The following MATN2 variants were observed in gnomAD, a reference collection of about 807,000 sequenced individuals.
MATN2 encodes matrilin 2.
In MATN2, 69 loss-of-function variants were observed where a neutral mutation model predicts 103.2. The observed-to-expected ratio is 0.67, with a 90% CI of 0.55 to 0.82. MATN2 has a LOEUF of 0.82. Among genes scored for constraint, MATN2 ranks in the 40% least tolerant of loss-of-function variants. The probability of loss-of-function intolerance (pLI) is 0.00; values close to 1 mark genes in which losing one functional copy is unlikely to be tolerated. For synonymous variants in MATN2, 429 were observed against 450.2 expected (o/e 0.95, Z 0.60); for missense variants, 1,023 against 1,211.5 (o/e 0.84, Z 2.31).
intron 2 of MATN2, among the ~76,000 whole-genome samples, chr8:97,901,231 A>T (rs1198523898): frequency 6.6e-6 from 1 of 152,124 alleles, no homozygotes; most frequent in Non-Finnish European, 1.5e-5. Context: ...TAACTATGCC[A>T]AAATGGTTTC....
At chr8:97,988,219 C>CATATAT (rs60086528) in intron 6 of MATN2, among the ~76,000 whole-genome samples, 6,232 of 122,816 alleles carry the variant, frequency 0.051, 216 homozygotes, top group Non-Finnish European at 0.072. Flanking sequence ...TACACACATA[C>CATATAT]ATATATATAT....
rs577313685 is a variant in MATN2, at chr8:97,998,663, T to A, written c.1204+4061T>A. On this transcript the variant is annotated intron_variant, in intron 7 of 18. Transcript: ENST00000254898. ...AGCATATTTTTTTATATTTTTAAAATTTTAAAAATTTTTTTTTATATTTTT... is the reference window on the plus strand; with the variant it reads ...AGCATATTTTTTTATATTTTTAAAAATTTAAAAATTTTTTTTTATATTTTT... Among the ~76,000 whole-genome samples the A allele has an allele frequency of 1.3e-4, 19 of 144,918 alleles. No homozygotes were observed. In the East Asian group the frequency reaches 3.2e-3, roughly 25 times the overall value.
At chr8:98,034,730 CTTAT>C (rs1814171727) in intron 18 of MATN2, among the ~76,000 whole-genome samples, 1 of 152,120 alleles carries the variant, frequency 6.6e-6, no homozygotes, top group African/African-American at 2.4e-5. Flanking sequence ...AAACCGTGGC[CTTAT>C]GTAGCATCAT....
chr8:97,967,856 A>G (rs953464105), intron 5 of MATN2, among the ~76,000 whole-genome samples: 9 of 152,250 alleles, frequency 5.9e-5, no homozygotes, highest in Non-Finnish European at 2.9e-5. Flanking sequence ...GGGACTCTGT[A>G]TGAGAGTTCC....
At chr8:97,910,921 A>C (rs1406046050) in intron 2 of MATN2, among the ~76,000 whole-genome samples, 1 of 152,220 alleles carries the variant, frequency 6.6e-6, no homozygotes, top group African/African-American at 2.4e-5. Flanking sequence ...CATAGTAGCT[A>C]TCATTATGGA....
intron 1 of MATN2, among the ~76,000 whole-genome samples, chr8:97,884,751 A>G (rs935567968): frequency 7.9e-5 from 12 of 152,124 alleles, no homozygotes; most frequent in African/African-American, 2.9e-4. Context: ...TGCCTGGGCG[A>G]CAGCGAGACT....
intron 2 of MATN2, among the ~76,000 whole-genome samples, chr8:97,915,524 G>T (rs1809594128): frequency 6.6e-6 from 1 of 152,142 alleles, no homozygotes; most frequent in South Asian, 2.1e-4. Flanking sequence ...TATCTAACTG[G>T]CCCCTTCCTC....
chr8:97,943,724 G>A (rs1042794012), intron 4 of MATN2, among the ~76,000 whole-genome samples: 1 of 152,130 alleles, frequency 6.6e-6, no homozygotes, highest in East Asian at 1.9e-4. Context: ...AAAGTGCTGA[G>A]ATTTACAGGA....
At chr8:97,986,688 G>A (rs1326630397) in intron 6 of MATN2, among the ~76,000 whole-genome samples, 1 of 152,188 alleles carries the variant, frequency 6.6e-6, no homozygotes, top group Non-Finnish European at 1.5e-5. Context: ...TTGATTGATA[G>A]GCATTGGGAC....
chr8:98,035,625 C>G (rs1309891712), intron 18 of MATN2, 32 bp from the exon 19 acceptor site: 1 of 1,328,650 alleles, frequency 7.5e-7, no homozygotes, highest in South Asian at 1.3e-5. Context: ...TAAAAATAGA[C>G]AATTCTTCAT....
intron 4 of MATN2, among the ~76,000 whole-genome samples, chr8:97,947,998 C>T (rs1476269947): frequency 6.6e-6 from 1 of 152,138 alleles, no homozygotes; most frequent in Non-Finnish European, 1.5e-5. Flanking sequence ...TGAGTATATA[C>T]TGTTAATTCA....
In MATN2 at chr8:98,007,297, G is replaced by A; in HGVS notation, c.1450+70G>A. On this transcript the variant is annotated intron_variant, in intron 9 of 18. Transcript: ENST00000254898. The surrounding 1 kb of genome is among the most constrained non-coding windows in gnomAD (Gnocchi z 4.2). ...GAGTGAAACCTATGTGACTGCAGAG[G>A]GCACAGGTTGTACTTGGGCACCCCT... 6.2e-7 allele frequency: 1 copy of A among 1,601,360 alleles called. No individual in the cohort carries two copies. The highest frequency in any genetic ancestry group is 8.5e-7 in the Non-Finnish European group (1 of 1,171,190).
chr8:97,881,786 T>A (rs1030599697), intron 1 of MATN2, among the ~76,000 whole-genome samples: 1 of 152,200 alleles, frequency 6.6e-6, no homozygotes, highest in Non-Finnish European at 1.5e-5. Flanking sequence ...CACTGACTTA[T>A]TTTTTTCTTG....
chr8:97,897,007 CA>C (rs1205832608), intron 2 of MATN2, among the ~76,000 whole-genome samples: 1 of 151,014 alleles, frequency 6.6e-6, no homozygotes, highest in African/African-American at 2.4e-5. Flanking sequence ...TCAGGCAACA[CA>C]ACAGGGCTAG....
chr8:98,021,377 T>G (rs755209279), intron 13 of MATN2, 50 bp downstream of exon 13: 1 of 1,592,442 alleles, frequency 6.3e-7, no homozygotes, highest in East Asian at 2.3e-5. Context: ...TTGGAGCAAC[T>G]GCTTTTTGGA....
intron 2 of MATN2, among the ~76,000 whole-genome samples, chr8:97,899,120 C>T (rs962334966): frequency 1.3e-5 from 2 of 152,072 alleles, no homozygotes; most frequent in African/African-American, 4.8e-5. Context: ...ACTCATCTTT[C>T]AGGTCTCAGT....
At chr8:98,010,437 C>T (rs940584535) in intron 10 of MATN2, among the ~76,000 whole-genome samples, 4 of 152,192 alleles carry the variant, frequency 2.6e-5, no homozygotes, top group African/African-American at 9.6e-5. Context: ...AGGGAATTGG[C>T]CCTCTTGGGG....
At position 97,962,390 on chromosome 8, in the gene MATN2, G is replaced by A. The variant is rs572781160; in HGVS notation, c.958+860G>A. On this transcript the variant is annotated intron_variant, in intron 5 of 18. Coordinates refer to ENST00000254898, the MANE Select transcript of MATN2 (RefSeq NM_002380.5). ...GGGTATGCTTATATTTTTGCACATA[G>A]AATTTGCATTTTCCAGCACACCTTA... Among the ~76,000 whole-genome samples, 72 of 152,322 alleles carry A rather than the reference G, an allele frequency of 4.7e-4. 1 individual carries two copies. The South Asian group carries it at 0.014, about 30-fold the overall frequency.
At chr8:97,870,228 A>T (rs893138468) in intron 1 of MATN2, among the ~76,000 whole-genome samples, 8 of 152,064 alleles carry the variant, frequency 5.3e-5, no homozygotes, top group African/African-American at 1.9e-4. Flanking sequence ...GGATTAAATG[A>T]GATATGGCGG....
Sources: allele counts gnomAD v4.1 joint callset (sites outside exome capture counted in the v4.1 genomes callset), GRCh38; gene constraint gnomAD v4.1.1; non-coding constraint Gnocchi (gnomAD v3.1); transcripts MANE v1.5; gene names NCBI Gene and HGNC (gene_info 2026-07-23, HGNC 2026-07-21).